The following PEX14 variants were observed in gnomAD, a reference collection of about 807,000 sequenced individuals.
The protein encoded by PEX14 is peroxisomal biogenesis factor 14.
Under a neutral mutation model 49.5 loss-of-function variants are expected in PEX14, and 15 were observed. The observed-to-expected ratio is 0.30, with a 90% CI of 0.20 to 0.47. The LOEUF (loss-of-function observed/expected upper bound fraction) is 0.47. Ranked by LOEUF, PEX14 falls within the 20% of genes least tolerant of loss-of-function variation. The probability of loss-of-function intolerance (pLI) is 1.00; values close to 1 mark genes in which losing one functional copy is unlikely to be tolerated. For synonymous variants in PEX14, 210 were observed against 212.7 expected, an observed-to-expected ratio of 0.99 and a Z score of 0.11; for missense variants, 398 against 494.8, an observed-to-expected ratio of 0.80 and a Z score of 1.86.
At position 10,498,027 on chromosome 1, in the gene PEX14, C is replaced by G. The variant is rs993529092; in HGVS notation, c.84+2706C>G. 1.1e-4 allele frequency among the ~76,000 whole-genome samples: 16 copies of G among 152,320 alleles called. 1 individual carries two copies. The South Asian group carries it at 3.1e-3, about 30-fold the overall frequency. ...AGGTGCAGTGGCTCATGCCTATCAT[C>G]CCAGCACTTTGGGAGGCCAAGGTCG... On this transcript the variant is annotated intron_variant, in intron 2 of 8. Coordinates refer to ENST00000356607, the MANE Select transcript of PEX14 (RefSeq NM_004565.3).
At chr1:10,509,894 A>G (rs1230397487) in intron 2 of PEX14, among the ~76,000 whole-genome samples, 1 of 152,096 alleles carries the variant, frequency 6.6e-6, no homozygotes, top group East Asian at 1.9e-4. Context: ...TGTATAATAC[A>G]ATGTATTTTC....
At chr1:10,530,560 C>A (rs369840982) in intron 2 of PEX14, among the ~76,000 whole-genome samples, 11 of 152,234 alleles carry the variant, frequency 7.2e-5, no homozygotes, top group Admixed American at 1.3e-4. Context: ...GCCCCTCCCC[C>A]CTACTCCCAC....
At position 10,494,988 on chromosome 1, in the gene PEX14, G is replaced by T. The variant is rs1455124920; in HGVS notation, c.37-286G>T. The T allele has an allele frequency of 4.8e-6, 2 of 417,020 alleles. No homozygotes were observed. Among genetic ancestry groups the T allele is most frequent in the East Asian group, 3.2e-4 (2 of 6,302 alleles). 25.8% of individuals were successfully genotyped at this position (417,020 alleles called of 1,614,324 possible). On this transcript the variant is annotated intron_variant, in intron 1 of 8. Coordinates refer to ENST00000356607, the MANE Select transcript of PEX14 (RefSeq NM_004565.3). This position sits in a 1 kb window ranked among gnomAD's most constrained non-coding sequence, Gnocchi z 4.3. ...TTTGGGATGGTCCCCAGCCCTTGCT[G>T]CTCAGTAGGTGATCGTGGGCCTTCC... is the stretch of plus-strand genomic sequence containing the variant.
intron 1 of PEX14, among the ~76,000 whole-genome samples, chr1:10,478,765 A>G (rs1288072078): frequency 6.8e-6 from 1 of 146,342 alleles, no homozygotes; most frequent in Non-Finnish European, 1.5e-5. Context: ...TTTTTTTTTG[A>G]GACAGAGTCT....
chr1:10,593,369 C>T (rs547045129), intron 3 of PEX14, among the ~76,000 whole-genome samples: 11 of 152,136 alleles, frequency 7.2e-5, no homozygotes, highest in African/African-American at 2.4e-4. Flanking sequence ...TAGAAGGATA[C>T]CGAGAGGACA....
At chr1:10,530,920 A>C (rs1370791369) in intron 2 of PEX14, among the ~76,000 whole-genome samples, 2 of 152,114 alleles carry the variant, frequency 1.3e-5, no homozygotes, top group Non-Finnish European at 2.9e-5. Context: ...GCATACTTGT[A>C]GATTTTTCTT....
At chr1:10,575,799 G>A (rs1224109768) in intron 3 of PEX14, among the ~76,000 whole-genome samples, 1 of 152,102 alleles carries the variant, frequency 6.6e-6, no homozygotes, top group Non-Finnish European at 1.5e-5. Context: ...CCTGAAATGT[G>A]GAAGTGTTGA....
intron 3 of PEX14, among the ~76,000 whole-genome samples, chr1:10,564,904 C>CT (rs57411640): frequency 0.72 from 90,380 of 125,312 alleles, 35,086 homozygotes; most frequent in East Asian, 0.94. Context: ...TTTTGTATAT[C>CT]TTTTTTTTTT....
intron 2 of PEX14, chr1:10,524,413 TG>T: frequency 1.1e-6 from 1 of 939,556 alleles, no homozygotes; most frequent in Non-Finnish European, 1.3e-6. Context: ...CAGACAGAGC[TG>T]GGAAGAATTT....
chr1:10,524,989 C>T (rs2480789), intron 2 of PEX14, among the ~76,000 whole-genome samples: 105,941 of 152,146 alleles, frequency 0.7, 39,263 homozygotes, highest in Non-Finnish European at 0.82. Flanking sequence ...CATGCCCGGC[C>T]GGATCATTTA....
intron 4 of PEX14, among the ~76,000 whole-genome samples, chr1:10,611,064 C>T (rs1005582098): frequency 1.3e-5 from 2 of 151,834 alleles, no homozygotes; most frequent in Non-Finnish European, 2.9e-5. Context: ...AGTTTGAGGT[C>T]ACCATGCCTG....
In PEX14 at chr1:10,529,801, T is replaced by C. The variant is rs1638593138; in HGVS notation, c.85-6412T>C. Among the ~76,000 whole-genome samples, 1 of 152,242 alleles carries C rather than the reference T, an allele frequency of 6.6e-6. No homozygotes were observed. The highest frequency in any genetic ancestry group is 2.4e-5 in the African/African-American group (1 of 41,460). On this transcript the variant is annotated intron_variant, in intron 2 of 8. Coordinates refer to ENST00000356607, the MANE Select transcript of PEX14 (RefSeq NM_004565.3). This position sits in a 1 kb window ranked among gnomAD's most constrained non-coding sequence, Gnocchi z 4.2. Reference sequence around the variant, plus strand: ...TGCACTTCTACCAGCGGAATTTTATTTCTTTAATGTGAAAAACAAAAGGAC... The same window carrying C: ...TGCACTTCTACCAGCGGAATTTTATCTCTTTAATGTGAAAAACAAAAGGAC...
intron 4 of PEX14, among the ~76,000 whole-genome samples, chr1:10,609,185 T>C (rs1371261887): frequency 6.6e-6 from 1 of 152,252 alleles, no homozygotes; most frequent in Non-Finnish European, 1.5e-5. Context: ...TTAGATTGTC[T>C]CCAATTTTGG....
intron 2 of PEX14, among the ~76,000 whole-genome samples, chr1:10,516,423 G>A (rs933321934): frequency 6.6e-6 from 1 of 152,172 alleles, no homozygotes; most frequent in Non-Finnish European, 1.5e-5. Flanking sequence ...GTTTGCCGTG[G>A]GACCTTGAGA....
chr1:10,497,144 T>C (rs1369403917), intron 2 of PEX14, among the ~76,000 whole-genome samples: 1 of 152,156 alleles, frequency 6.6e-6, no homozygotes. Context: ...CATGCCCTTA[T>C]TGCTTTTGGC....
intron 2 of PEX14, among the ~76,000 whole-genome samples, chr1:10,515,595 G>T (rs577904528): frequency 1.1e-4 from 16 of 152,084 alleles, no homozygotes; most frequent in Non-Finnish European, 7.4e-5. Context: ...CCTGAGCTTC[G>T]TTCTCAGTTT....
chr1:10,527,515 C>CAAA (rs1032596691), intron 2 of PEX14, among the ~76,000 whole-genome samples: 1 of 89,136 alleles, frequency 1.1e-5, no homozygotes. Context: ...GACTCTGTCT[C>CAAA]AAAAAAAAAA....
At chr1:10,605,307 G>A (rs576322157) in intron 4 of PEX14, among the ~76,000 whole-genome samples, 1 of 152,310 alleles carries the variant, frequency 6.6e-6, no homozygotes, top group East Asian at 1.9e-4. Flanking sequence ...GGAAGAAGTA[G>A]GGGATGGGAC....
intron 3 of PEX14, among the ~76,000 whole-genome samples, chr1:10,582,610 A>G (rs1201125507): frequency 6.6e-6 from 1 of 152,212 alleles, no homozygotes; most frequent in East Asian, 1.9e-4. Context: ...TGGCTGGAAC[A>G]TCAGGGGTGG....
Sources: gnomAD v4.1 joint callset for allele counts (sites outside exome capture counted in the v4.1 genomes callset) on GRCh38, gnomAD v4.1.1 for gene constraint, Gnocchi (gnomAD v3.1) non-coding constraint, MANE v1.5 for transcripts, NCBI Gene and HGNC (gene_info 2026-07-23, HGNC 2026-07-21) for gene names.